FOXJ3: variants seen among roughly 807,000 people sequenced by gnomAD.
FOXJ3 encodes the protein forkhead box protein J3.
Under a neutral mutation model 76.1 loss-of-function variants are expected in FOXJ3, and 22 were observed. The ratio of observed to expected loss-of-function variants is 0.29; its 90% CI spans 0.21 to 0.41. FOXJ3 has a LOEUF of 0.41. Among genes scored for constraint, FOXJ3 ranks in the 10% least tolerant of loss-of-function variants. FOXJ3 has a pLI of 1.00. For synonymous variants in FOXJ3, 269 were observed against 261.2 expected (o/e 1.03, Z -0.29); for missense variants, 613 against 762.1 (o/e 0.80, Z 2.30).
At chr1:42,308,079 T>C (rs1267258114) in intron 2 of FOXJ3, among the ~76,000 whole-genome samples, 1 of 152,236 alleles carries the variant, frequency 6.6e-6, no homozygotes, top group Non-Finnish European at 1.5e-5. Context: ...TATACACAAA[T>C]TGTCCACTCC....
At chr1:42,196,258 A>C (rs1243723790) in intron 7 of FOXJ3, among the ~76,000 whole-genome samples, 2 of 152,190 alleles carry the variant, frequency 1.3e-5, no homozygotes, top group African/African-American at 4.8e-5. Context: ...TGTCTGTATA[A>C]GTAATAAAAT....
intron 4 of FOXJ3, among the ~76,000 whole-genome samples, chr1:42,254,958 G>A (rs1650460669): frequency 6.7e-6 from 1 of 149,244 alleles, no homozygotes; most frequent in Non-Finnish European, 1.5e-5. Context: ...AAAACTTAAA[G>A]TATAATAATA....
At chr1:42,219,736 T>C (rs957366901) in intron 5 of FOXJ3, among the ~76,000 whole-genome samples, 3 of 152,186 alleles carry the variant, frequency 2.0e-5, no homozygotes, top group Non-Finnish European at 4.4e-5. Flanking sequence ...AGCCAGGTGT[T>C]TGACACAAAG....
At chr1:42,299,388 T>C (rs1442723299) in intron 2 of FOXJ3, among the ~76,000 whole-genome samples, 4 of 151,604 alleles carry the variant, frequency 2.6e-5, no homozygotes. Flanking sequence ...TTTACTGTTA[T>C]TGGTTTGAAG....
intron 2 of FOXJ3, among the ~76,000 whole-genome samples, chr1:42,282,697 C>G (rs896571575): frequency 6.6e-6 from 1 of 152,154 alleles, no homozygotes; most frequent in Non-Finnish European, 1.5e-5. Context: ...AATGTCCTTT[C>G]CTTCTCTGTC....
rs141093778 is a variant in FOXJ3, at chr1:42,191,552, C to T, written c.1102G>A (p.Val368Ile). The T allele has an allele frequency of 3.4e-4, 556 of 1,613,878 alleles. 1 individual carries two copies. Among genetic ancestry groups the T allele is most frequent in the Admixed American group, 5.0e-4 (30 of 59,976 alleles). Residue 368 changes from valine (V) to isoleucine (I), a missense_variant, in exon 9 of 13, where the codon GTC becomes ATC. Val to Ile is a conservative substitution (Grantham distance 29). This residue lies in a region of FOXJ3 where 526 missense variants were observed against 601.4 expected (regional missense o/e 0.87). Transcript: ENST00000361346. Reference protein sequence around the residue: ...NTTGSNSVAQVSLSHPQMHTQ... With the variant: ...NTTGSNSVAQISLSHPQMHTQ... The stretch of plus-strand genomic sequence containing the variant: ...TGCATCTGGGGGTGAGACAGTGAGA[C>T]CTGTGCAACCGAATTACTGCCTGTG...
At chr1:42,249,526 C>T (rs1411318783) in intron 4 of FOXJ3, among the ~76,000 whole-genome samples, 2 of 152,148 alleles carry the variant, frequency 1.3e-5, no homozygotes, top group Non-Finnish European at 2.9e-5. Flanking sequence ...TAAAATGAGG[C>T]AAAGTGACGA....
intron 8 of FOXJ3, among the ~76,000 whole-genome samples, chr1:42,194,252 A>G (rs1646607563): frequency 6.6e-6 from 1 of 152,224 alleles, no homozygotes; most frequent in Admixed American, 6.5e-5. Flanking sequence ...ATACTGTGAC[A>G]TTTTTACCCT....
intron 5 of FOXJ3, among the ~76,000 whole-genome samples, chr1:42,218,108 T>C (rs1028006699): frequency 6.6e-6 from 1 of 152,220 alleles, no homozygotes; most frequent in Non-Finnish European, 1.5e-5. Flanking sequence ...AGTAGGCATG[T>C]AGATTGCAAT....
intron 5 of FOXJ3, among the ~76,000 whole-genome samples, chr1:42,224,787 G>A (rs952803395): frequency 5.3e-5 from 8 of 152,126 alleles, no homozygotes; most frequent in African/African-American, 1.9e-4. Context: ...CTCTTTAGCA[G>A]TTTAGAAGTC....
chr1:42,218,387 C>T (rs1170009090), intron 5 of FOXJ3, among the ~76,000 whole-genome samples: 1 of 152,070 alleles, frequency 6.6e-6, no homozygotes, highest in Non-Finnish European at 1.5e-5. Flanking sequence ...TTGTAATCAC[C>T]TTCAGGTGAT....
chr1:42,179,744 A>G lies in FOXJ3; in HGVS notation c.1835T>C (p.Ile612Thr). 1.2e-6 allele frequency: 2 copies of G among 1,613,700 alleles called. No individual in the cohort carries two copies. Among genetic ancestry groups the G allele is most frequent in the Non-Finnish European group, 8.5e-7 (1 of 1,179,628 alleles). The change falls in exon 13 of 13, where the codon ATC becomes ACC. Residue 612 changes from isoleucine to threonine, a missense_variant. By Grantham distance (89) the Ile-to-Thr change is moderately conservative. Coordinates refer to ENST00000361346, the MANE Select transcript of FOXJ3 (RefSeq NM_014947.5). Reference sequence around the variant, plus strand: ...TGAATCCCAATCAAAGTCATCCTGGATGTCATCTGGAGGCAGGGAACGCCG... The same window carrying G: ...TGAATCCCAATCAAAGTCATCCTGGGTGTCATCTGGAGGCAGGGAACGCCG... ...QMRRSLPPDD[I>T]QDDFDWDSIV
chr1:42,204,173 A>G (rs1300756266), intron 6 of FOXJ3, among the ~76,000 whole-genome samples: 1 of 152,010 alleles, frequency 6.6e-6, no homozygotes, highest in Non-Finnish European at 1.5e-5. Flanking sequence ...GAAATGCACC[A>G]AAGGAAAATA....
chr1:42,245,707 C>T (rs748187761), intron 4 of FOXJ3, among the ~76,000 whole-genome samples: 28 of 77,608 alleles, frequency 3.6e-4, no homozygotes, highest in Non-Finnish European at 7.6e-4. Context: ...CCACAGCTAA[C>T]ATCATACCAA....
intron 4 of FOXJ3, among the ~76,000 whole-genome samples, chr1:42,243,157 C>G (rs1400370191): frequency 6.6e-6 from 1 of 152,164 alleles, no homozygotes; most frequent in Non-Finnish European, 1.5e-5. Flanking sequence ...GACCATTAGA[C>G]AAACCCTACA....
chr1:42,294,179 T>A (rs1471247041), intron 2 of FOXJ3, among the ~76,000 whole-genome samples: 14 of 152,190 alleles, frequency 9.2e-5, no homozygotes, highest in Non-Finnish European at 1.8e-4. Context: ...CCTAAAATTA[T>A]CCTCTCTTGA....
intron 2 of FOXJ3, among the ~76,000 whole-genome samples, chr1:42,291,649 A>AT (rs1310612517): frequency 2.6e-5 from 4 of 151,818 alleles, no homozygotes; most frequent in African/African-American, 9.7e-5. Flanking sequence ...GAAAAAAAAA[A>AT]TTTTTGTTTT....
At chr1:42,276,398 T>C (rs879786701) in intron 3 of FOXJ3, among the ~76,000 whole-genome samples, 1 of 151,442 alleles carries the variant, frequency 6.6e-6, no homozygotes, top group Non-Finnish European at 1.5e-5. Flanking sequence ...GGGGAGAGAG[T>C]AATAATTGCT....
intron 2 of FOXJ3, among the ~76,000 whole-genome samples, chr1:42,280,059 T>A (rs972903369): frequency 6.6e-6 from 1 of 152,084 alleles, no homozygotes; most frequent in Non-Finnish European, 1.5e-5. Context: ...AGATGTTAAT[T>A]ACCTCTACCT....
Sources: allele counts gnomAD v4.1 joint callset (sites outside exome capture counted in the v4.1 genomes callset), GRCh38; gene constraint gnomAD v4.1.1; regional missense constraint gnomAD v4.1.1; transcripts MANE v1.5; gene names NCBI Gene and HGNC (gene_info 2026-07-23, HGNC 2026-07-21).